PPM1L: variants seen among roughly 807,000 people sequenced by gnomAD.
PPM1L encodes protein phosphatase 1L.
In PPM1L, 13 loss-of-function variants were observed where a neutral mutation model predicts 31.4. That is an observed-to-expected ratio of 0.41 (90% CI 0.27 to 0.66). PPM1L has a LOEUF of 0.66. Ranked by LOEUF, PPM1L falls within the 30% of genes least tolerant of loss-of-function variation. The pLI, the probability that PPM1L is intolerant of heterozygous loss-of-function variation, is 0.29. For missense variants in PPM1L, 326 were observed against 453.7 expected (o/e 0.72, Z 2.56); for synonymous variants, 184 against 175.4 (o/e 1.05, Z -0.39).
At chr3:160,867,084 C>A (rs553222135) in intron 1 of PPM1L, among the ~76,000 whole-genome samples, 7 of 152,140 alleles carry the variant, frequency 4.6e-5, no homozygotes, top group African/African-American at 1.2e-4. Flanking sequence ...AAGTGGTATA[C>A]CTACTTTGGC....
chr3:160,806,771 G>A (rs963925499), intron 1 of PPM1L, among the ~76,000 whole-genome samples: 4 of 150,220 alleles, frequency 2.7e-5, no homozygotes, highest in Non-Finnish European at 4.4e-5. Context: ...GAAAGAAAGA[G>A]AGAGAGAGAG....
intron 2 of PPM1L, among the ~76,000 whole-genome samples, chr3:160,974,934 T>A (rs927057753): frequency 6.6e-6 from 1 of 152,104 alleles, no homozygotes; most frequent in East Asian, 1.9e-4. Flanking sequence ...GTTTTAGACA[T>A]GAAGTCCTTG....
chr3:161,065,107 C>T (rs1052571147), intron 2 of PPM1L, among the ~76,000 whole-genome samples: 14 of 152,058 alleles, frequency 9.2e-5, no homozygotes, highest in African/African-American at 3.1e-4. Flanking sequence ...TTTTGTTTCT[C>T]TCCTAATCCT....
In PPM1L at chr3:160,922,721, A is replaced by G. The variant is rs77519486; in HGVS notation, c.400-39015A>G. On this transcript the variant is annotated intron_variant, in intron 1 of 3. Transcript: ENST00000498165. Reference sequence around the variant, plus strand: ...AAGTAATGGTTCCCACAGCAGTGAAAAGTAAAAGGATTTATACACTTTTGG... The same window carrying G: ...AAGTAATGGTTCCCACAGCAGTGAAGAGTAAAAGGATTTATACACTTTTGG... Among the ~76,000 whole-genome samples, 699 of 152,336 alleles carry G rather than the reference A, an allele frequency of 4.6e-3. 6 individuals carry two copies. Among genetic ancestry groups the G allele is most frequent in the African/African-American group, 0.016 (657 of 41,584 alleles).
chr3:161,020,931 C>T (rs1261779956), intron 2 of PPM1L, among the ~76,000 whole-genome samples: 1 of 151,932 alleles, frequency 6.6e-6, no homozygotes, highest in Non-Finnish European at 1.5e-5. Context: ...TATTCCCAAT[C>T]TTGGTAATCT....
intron 1 of PPM1L, among the ~76,000 whole-genome samples, chr3:160,759,352 G>A (rs962035708): frequency 1.3e-5 from 2 of 152,200 alleles, no homozygotes; most frequent in South Asian, 4.1e-4. Flanking sequence ...TTTAGATGCA[G>A]AGGAGACATT....
rs1715892533 is a variant in PPM1L at position 160,959,738 on chromosome 3, C to A, written c.400-1998C>A. Among the ~76,000 whole-genome samples the A allele has an allele frequency of 5.9e-5, 9 of 152,178 alleles. No homozygotes were observed. In the South Asian group the frequency reaches 1.9e-3, roughly 32 times the overall value. ...GTCCTAGCTACTCAGGAGGCTGAGG[C>A]AGGAGAATCGTTTGAACCCAGGAGG... On this transcript the variant is annotated intron_variant, in intron 1 of 3. Coordinates refer to ENST00000498165, the MANE Select transcript of PPM1L (RefSeq NM_139245.4).
At chr3:160,801,959 C>T (rs888420702) in intron 1 of PPM1L, among the ~76,000 whole-genome samples, 5 of 152,084 alleles carry the variant, frequency 3.3e-5, no homozygotes, top group African/African-American at 9.7e-5. Flanking sequence ...CTATTTGTGT[C>T]GATTGCCTTG....
At chr3:161,022,527 A>G (rs1718261151) in intron 2 of PPM1L, 1 of 178,248 alleles carries the variant, frequency 5.6e-6, no homozygotes, top group African/African-American at 2.3e-5. Flanking sequence ...ATTCATGTGG[A>G]TTCAAATCAC....
At chr3:161,065,671 G>C in intron 3 of PPM1L, 107 bp downstream of exon 3, 1 of 943,652 alleles carries the variant, frequency 1.1e-6, no homozygotes. Context: ...GTATTAGAGA[G>C]GCTGCTACTG....
rs147029489 is a variant in PPM1L, at chr3:160,764,577, C to T, written c.399+7870C>T. On this transcript the variant is annotated intron_variant, in intron 1 of 3. Transcript: ENST00000498165. ...TGTCTCCTGGGTTCAAGCAATTCTC[C>T]TGTCTCAGCCTCCTGAGTAGCTGGG... is the stretch of plus-strand genomic sequence containing the variant. 5.2e-3 allele frequency among the ~76,000 whole-genome samples: 784 copies of T among 151,550 alleles called. 7 individuals are homozygous for T. Among genetic ancestry groups the T allele is most frequent in the African/African-American group, 0.018 (746 of 41,288 alleles).
chr3:160,884,631 G>C (rs1227074949), intron 1 of PPM1L, among the ~76,000 whole-genome samples: 1 of 152,128 alleles, frequency 6.6e-6, no homozygotes, highest in African/African-American at 2.4e-5. Flanking sequence ...TTTAGCTTCT[G>C]CTGGATGGTC....
chr3:161,035,936 A>G (rs1306604379), intron 2 of PPM1L: 4 of 152,250 alleles, frequency 2.6e-5, no homozygotes, highest in African/African-American at 9.6e-5. Context: ...AGCTATACAT[A>G]TGATGTCCGC....
chr3:161,039,591 C>T (rs188990201), intron 2 of PPM1L, among the ~76,000 whole-genome samples: 1 of 152,054 alleles, frequency 6.6e-6, no homozygotes, highest in African/African-American at 2.4e-5. Context: ...GGTGCGATCT[C>T]GGCTCACTGC....
In PPM1L at chr3:161,073,261, G is replaced by A. The variant is rs1391899074; in HGVS notation, c.*4104G>A. On this transcript the variant is annotated 3_prime_UTR_variant, in exon 4 of 4. Transcript: ENST00000498165. ...CACAACAAATATCTACTGTCAGTTA[G>A]CCCAGTGTTTTCCAGATTAATTTGA... The A allele has an allele frequency of 3.3e-5, 5 of 152,232 alleles. No homozygotes were observed. The East Asian group carries it at 9.7e-4, about 30-fold the overall frequency. 9.4% of individuals were successfully genotyped at this position (152,232 alleles called of 1,614,324 possible).
chr3:161,055,049 C>T (rs1719373464), intron 2 of PPM1L, among the ~76,000 whole-genome samples: 3 of 151,876 alleles, frequency 2.0e-5, no homozygotes, highest in Admixed American at 2.0e-4. Context: ...AGTGTCTTAG[C>T]CCAGCCACAC....
intron 2 of PPM1L, among the ~76,000 whole-genome samples, chr3:160,974,148 T>C (rs1716465953): frequency 6.6e-6 from 1 of 151,152 alleles, no homozygotes; most frequent in African/African-American, 2.4e-5. Flanking sequence ...TGCGATAGTT[T>C]ACTGAGAATG....
At chr3:160,783,289 T>C (rs1576635222) in intron 1 of PPM1L, among the ~76,000 whole-genome samples, 1 of 152,162 alleles carries the variant, frequency 6.6e-6, no homozygotes, top group East Asian at 1.9e-4. Context: ...ACATTTATCA[T>C]GTCCTGTCTA....
chr3:160,891,325 A>T (rs1333531352), intron 1 of PPM1L, among the ~76,000 whole-genome samples: 1 of 152,068 alleles, frequency 6.6e-6, no homozygotes, highest in Non-Finnish European at 1.5e-5. Flanking sequence ...GTGGGCAAAG[A>T]ATATGAACAG....
Sources: gnomAD v4.1 joint callset for allele counts (sites outside exome capture counted in the v4.1 genomes callset) on GRCh38, gnomAD v4.1.1 for gene constraint, MANE v1.5 for transcripts, NCBI Gene and HGNC (gene_info 2026-07-23, HGNC 2026-07-21) for gene names.